Variants in MTRES1 observed in about 807,000 individuals in gnomAD.
MTRES1 encodes the protein mitochondrial transcription rescue factor 1, also known as uncharacterized protein C6orf203.
In MTRES1, 11 loss-of-function variants were observed where a neutral mutation model predicts 17.4. That is an observed-to-expected ratio of 0.63 (90% confidence interval 0.40 to 1.05). The LOEUF is 1.05. Ranked by LOEUF, MTRES1 falls within the 50% of genes least tolerant of loss-of-function variation. The pLI, the probability that MTRES1 is intolerant of heterozygous loss-of-function variation, is 0.00. For synonymous variants in MTRES1, 94 were observed against 99.6 expected, an observed-to-expected ratio of 0.94 and a Z score of 0.34; for missense variants, 268 against 276.2, an observed-to-expected ratio of 0.97 and a Z score of 0.21.
At position 107,040,090 on chromosome 6, in the gene MTRES1, C is replaced by G. The variant is rs1774148583; in HGVS notation, c.330C>G (p.Ser110Arg). ...KVDEEDSDEE[S>R]HHDEMSEQEE... Reference sequence around the variant, plus strand: ...ATGAAGAGGACTCTGATGAAGAAAGCCATCATGATGAGATGAGTGAGCAGG... The same window carrying G: ...ATGAAGAGGACTCTGATGAAGAAAGGCATCATGATGAGATGAGTGAGCAGG... The change falls in exon 2 of 4, where the codon AGC becomes AGG. Residue 110 changes from serine to arginine, a missense_variant. Physicochemically the swap from Ser to Arg is moderately radical, Grantham distance 110. Coordinates refer to ENST00000311381, the MANE Select transcript of MTRES1 (RefSeq NM_016487.5). The G allele has an allele frequency of 6.2e-7, 1 of 1,613,518 alleles. No homozygotes were observed. The highest frequency in any genetic ancestry group is 1.3e-5 in the African/African-American group (1 of 74,872).
rs574886848 is a variant in MTRES1, at chr6:107,042,190, A to C, written c.470+1960A>C. Among the ~76,000 whole-genome samples, 821 of 151,972 alleles carry C rather than the reference A, an allele frequency of 5.4e-3. 8 individuals are homozygous for C. The highest frequency in any genetic ancestry group is 0.019 in the African/African-American group (770 of 41,454). On this transcript the variant is annotated intron_variant, in intron 2 of 3. Transcript: ENST00000311381. ...CCTGTCTCTACTAAAAATACAAAAA[A>C]TTGGCCGGGCGTGGTGGCAGGCGCC...
At chr6:107,042,378 C>G (rs1324889641) in intron 2 of MTRES1, among the ~76,000 whole-genome samples, 1 of 147,748 alleles carries the variant, frequency 6.8e-6, no homozygotes, top group South Asian at 2.1e-4. Context: ...AATGAGCCAG[C>G]CCACAGGCCC....
chr6:107,041,273 G>A (rs1386802665), intron 2 of MTRES1, among the ~76,000 whole-genome samples: 4 of 151,144 alleles, frequency 2.6e-5, no homozygotes, highest in African/African-American at 9.7e-5. Context: ...GATTACTGGG[G>A]TTTCAATCCT....
chr6:107,050,158 G>A (rs1381509910), intron 3 of MTRES1, among the ~76,000 whole-genome samples: 1 of 152,228 alleles, frequency 6.6e-6, no homozygotes, highest in Non-Finnish European at 1.5e-5. Context: ...CTGCCCCAGG[G>A]CATGCATTGC....
intron 3 of MTRES1, among the ~76,000 whole-genome samples, chr6:107,050,089 T>C (rs1358283367): frequency 6.6e-6 from 1 of 152,224 alleles, no homozygotes; most frequent in Non-Finnish European, 1.5e-5. Flanking sequence ...CCGGTATCTG[T>C]CTTGGGCTGT....
chr6:107,047,511 C>T (rs1180277044), intron 3 of MTRES1, among the ~76,000 whole-genome samples: 1 of 152,166 alleles, frequency 6.6e-6, no homozygotes, highest in Non-Finnish European at 1.5e-5. Flanking sequence ...TGAGACACCA[C>T]ACCTGGCCTA....
chr6:107,034,361 A>T (rs1562276405), intron 1 of MTRES1, among the ~76,000 whole-genome samples: 1 of 152,088 alleles, frequency 6.6e-6, no homozygotes, highest in Non-Finnish European at 1.5e-5. Flanking sequence ...TCCTCTTAGG[A>T]TATTTTCTAA....
chr6:107,042,314 TGGG>T (rs1774245906), intron 2 of MTRES1, among the ~76,000 whole-genome samples: 1 of 106,602 alleles, frequency 9.4e-6, no homozygotes, highest in Admixed American at 1.4e-4. Context: ...CACTCCAGCC[TGGG>T]CAACAAAGTG....
intron 1 of MTRES1, among the ~76,000 whole-genome samples, chr6:107,029,337 G>C (rs1342357055): frequency 2.6e-5 from 4 of 151,784 alleles, no homozygotes; most frequent in Non-Finnish European, 4.4e-5. Flanking sequence ...ACAGGCGCCT[G>C]CCACCACGCC....
chr6:107,030,058 T>C (rs1773784595), intron 1 of MTRES1: 1 of 718,230 alleles, frequency 1.4e-6, no homozygotes, highest in Admixed American at 2.0e-5. Context: ...AATCTTCGTA[T>C]TTTTTTCCTC....
rs61396424 is a variant in MTRES1, at chr6:107,045,483, C to CA, written c.543+1167dup. On this transcript the variant is annotated intron_variant, in intron 3 of 3. Coordinates refer to ENST00000311381, the MANE Select transcript of MTRES1 (RefSeq NM_016487.5). ...TGGGCGACAGAGCGAGACTTCGTCT[C>CA]AAAAAAAAAAAAAAAATTCTGTTAG... is the stretch of plus-strand genomic sequence containing the variant. Among the ~76,000 whole-genome samples the CA allele has an allele frequency of 4.7e-3, 620 of 132,044 alleles. 1 individual carries two copies. The highest frequency in any genetic ancestry group is 0.016 in the African/African-American group (591 of 36,248). 86.6% of individuals were successfully genotyped at this position (132,044 alleles called of 152,430 possible).
intron 3 of MTRES1, among the ~76,000 whole-genome samples, chr6:107,046,417 G>C (rs1774392269): frequency 7.1e-6 from 1 of 141,514 alleles, no homozygotes; most frequent in South Asian, 2.2e-4. Context: ...TGTTGTCTCA[G>C]CTGCCTTCCA....
In MTRES1 at chr6:107,051,165, A is replaced by G; in HGVS notation, c.652A>G (p.Ser218Gly). The G allele has an allele frequency of 6.2e-7, 1 of 1,614,220 alleles. No homozygotes were observed. Among genetic ancestry groups the G allele is most frequent in the Non-Finnish European group, 8.5e-7 (1 of 1,180,024 alleles). Reference sequence around the variant, plus strand: ...AAAAGTGTTTGAAGAGAAGACTGAAAGTGAAAAATACAGAGTGGTGTTACG... The same window carrying G: ...AAAAGTGTTTGAAGAGAAGACTGAAGGTGAAAAATACAGAGTGGTGTTACG... ...LKKVFEEKTE[S>G]EKYRVVLRRW... Residue 218 changes from serine to glycine, a missense_variant, in exon 4 of 4, where the codon AGT becomes GGT. By Grantham distance (56) the Ser-to-Gly change is moderately conservative. Coordinates refer to ENST00000311381, the MANE Select transcript of MTRES1 (RefSeq NM_016487.5).
chr6:107,038,229 G>A (rs1276732518), intron 1 of MTRES1, among the ~76,000 whole-genome samples: 1 of 152,108 alleles, frequency 6.6e-6, no homozygotes, highest in Non-Finnish European at 1.5e-5. Flanking sequence ...GTTTTTGAGT[G>A]AGCCATAATC....
chr6:107,040,363 A>G (rs1774161082), intron 2 of MTRES1, 133 bp downstream of exon 2: 1 of 710,244 alleles, frequency 1.4e-6, no homozygotes, highest in African/African-American at 1.8e-5. Context: ...AACCTGTTTC[A>G]ATTATTTCAT....
intron 2 of MTRES1, among the ~76,000 whole-genome samples, chr6:107,042,021 AT>A (rs1774233488): frequency 6.6e-6 from 1 of 151,826 alleles, no homozygotes; most frequent in Non-Finnish European, 1.5e-5. Flanking sequence ...GCATAGTTTA[AT>A]TTTTTAATCC....
Position 107,051,189 on chromosome 6 carries a change from CG to C in MTRES1, c.678del (p.Arg227GlyfsTer5). The stretch of plus-strand genomic sequence containing the variant: ...AAGTGAAAAATACAGAGTGGTGTTA[CG>C]GCGGTGGAAAAGTTTAAAGTTGCCT... ...TESEKYRVVL[R>X]RWKSLKLPKK... is the part of the protein sequence containing the mutation. On this transcript the variant is annotated frameshift_variant, in exon 4 of 4. Transcript: ENST00000311381. LOFTEE classifies it high-confidence loss of function. 6.2e-7 allele frequency: 1 copy of C among 1,613,448 alleles called. No homozygotes were observed. The highest frequency in any genetic ancestry group is 8.5e-7 in the Non-Finnish European group (1 of 1,179,720).
intron 1 of MTRES1, among the ~76,000 whole-genome samples, chr6:107,034,324 CAG>C (rs1554226725): frequency 6.6e-6 from 1 of 152,100 alleles, no homozygotes; most frequent in Non-Finnish European, 1.5e-5. Flanking sequence ...GACACAGAAA[CAG>C]GACTACTTCC....
intron 3 of MTRES1, among the ~76,000 whole-genome samples, chr6:107,044,961 A>C (rs1582614251): frequency 6.6e-6 from 1 of 152,136 alleles, no homozygotes; most frequent in Non-Finnish European, 1.5e-5. Flanking sequence ...AGCTGAGGCC[A>C]GCAGATCGCT....
Sources: gnomAD v4.1 joint callset for allele counts (sites outside exome capture counted in the v4.1 genomes callset) on GRCh38, gnomAD v4.1.1 for gene constraint, MANE v1.5 for transcripts, NCBI Gene and HGNC (gene_info 2026-07-23, HGNC 2026-07-21) for gene names.